Variants in TDP1 observed in about 807,000 individuals in gnomAD.
TDP1 encodes the protein tyr-DNA phosphodiesterase 1.
Under a neutral mutation model 81.5 loss-of-function variants are expected in TDP1, and 64 were observed. The observed-to-expected ratio is 0.79, with a 90% CI of 0.64 to 0.97. TDP1 has a LOEUF of 0.97. Among genes scored for constraint, TDP1 ranks in the 50% least tolerant of loss-of-function variants. The pLI, the probability that TDP1 is intolerant of heterozygous loss-of-function variation, is 0.00. For missense variants in TDP1, 723 were observed against 743.8 expected, an observed-to-expected ratio of 0.97 and a Z score of 0.33; for synonymous variants, 256 against 264.3, an observed-to-expected ratio of 0.97 and a Z score of 0.30.
chr14:90,011,196 C>T (rs1040028471), intron 14 of TDP1, among the ~76,000 whole-genome samples: 2 of 152,220 alleles, frequency 1.3e-5, no homozygotes, highest in Admixed American at 6.5e-5. Flanking sequence ...CCATGTGGAA[C>T]TGTGAGTCCA....
chr14:89,985,290 T>G, intron 10 of TDP1, 80 bp downstream of exon 10: 1 of 808,422 alleles, frequency 1.2e-6, no homozygotes, highest in Admixed American at 2.4e-5. Flanking sequence ...TATATTTTGA[T>G]GCAGCTTCAC....
intron 14 of TDP1, among the ~76,000 whole-genome samples, chr14:90,003,455 G>C (rs891530005): frequency 3.9e-5 from 6 of 152,126 alleles, no homozygotes; most frequent in African/African-American, 1.4e-4. Flanking sequence ...TGATCCTACC[G>C]TAAAATCATC....
intron 10 of TDP1, chr14:89,987,189 A>G (rs1043828561): frequency 1.2e-4 from 19 of 152,224 alleles, no homozygotes; most frequent in African/African-American, 3.9e-4. Flanking sequence ...GTTGGTAGCA[A>G]AAAACTCACT....
Position 90,019,178 on chromosome 14 carries a change from G to A in TDP1, c.1542-138G>A, listed in dbSNP as rs1303154457. ...GATTTTAAATTCTCTTTTCAAAAAT[G>A]CAGCAACTCTGCTAGAAAATGAATG... On this transcript the variant is annotated intron_variant, in intron 14 of 16. Transcript: ENST00000335725. 4 of 1,359,042 alleles carry A rather than the reference G, an allele frequency of 2.9e-6. No homozygotes were observed. In the East Asian group the frequency reaches 7.6e-5, roughly 26 times the overall value. 84.2% of individuals were successfully genotyped at this position (1,359,042 alleles called of 1,614,324 possible).
intron 6 of TDP1, among the ~76,000 whole-genome samples, chr14:89,973,795 C>T (rs1368038427): frequency 6.6e-6 from 1 of 152,060 alleles, no homozygotes; most frequent in Non-Finnish European, 1.5e-5. Context: ...AAACAACAGA[C>T]ACTTATTTCT....
At chr14:90,016,934 G>A (rs1885382004) in intron 14 of TDP1, among the ~76,000 whole-genome samples, 1 of 152,076 alleles carries the variant, frequency 6.6e-6, no homozygotes, top group Non-Finnish European at 1.5e-5. Flanking sequence ...TAGTGATGAA[G>A]CATCACTCGG....
At position 89,985,204 on chromosome 14, in the gene TDP1, TAAG is replaced by T. The variant is rs1257393812; in HGVS notation, c.1129_1131del (p.Lys377del). On this transcript the variant is annotated inframe_deletion, in exon 10 of 17. Coordinates refer to ENST00000335725, the MANE Select transcript of TDP1 (RefSeq NM_018319.4). ...AAGATAATTGGGGACATTTTAGACT[TAAG>T]AAGGTAACAGAACTTTTACTATTTT... is the stretch of plus-strand genomic sequence containing the variant. The T allele has an allele frequency of 3.7e-6, 6 of 1,600,018 alleles. No homozygotes were observed. The highest frequency in any genetic ancestry group is 1.1e-5 in the South Asian group (1 of 89,832).
At chr14:90,028,410 G>A (rs1478817639) in intron 15 of TDP1, among the ~76,000 whole-genome samples, 2 of 152,208 alleles carry the variant, frequency 1.3e-5, no homozygotes, top group South Asian at 2.1e-4. Context: ...CTATGATTGA[G>A]CTAAGCTGCT....
intron 6 of TDP1, 76 bp downstream of exon 6, chr14:89,971,347 C>T: frequency 9.5e-7 from 1 of 1,057,376 alleles, no homozygotes. Context: ...TCCACCCTCT[C>T]ACTTAGTGCA....
At chr14:90,004,115 T>C (rs549051406) in intron 14 of TDP1, among the ~76,000 whole-genome samples, 1 of 152,246 alleles carries the variant, frequency 6.6e-6, no homozygotes, top group East Asian at 1.9e-4. Flanking sequence ...CTTTATACGA[T>C]AGAGATGACT....
intron 14 of TDP1, among the ~76,000 whole-genome samples, chr14:90,013,484 T>C (rs1358242112): frequency 6.6e-6 from 1 of 152,218 alleles, no homozygotes; most frequent in Non-Finnish European, 1.5e-5. Context: ...TGCCGCCATG[T>C]AAGATGTGCC....
At position 89,955,967 on chromosome 14, in the gene TDP1, T is replaced by G. The variant is rs1891515687; in HGVS notation, c.-234T>G. The stretch of plus-strand genomic sequence containing the variant: ...GAGGCAAGCGTTGGTTCTGTGCGCC[T>G]CAGGTACGTGTTGGGCGGCAGTGGG... On this transcript the variant is annotated 5_prime_UTR_variant, in exon 1 of 17. Transcript: ENST00000335725. 6.6e-6 allele frequency: 1 copy of G among 152,494 alleles called. No individual in the cohort carries two copies. The highest frequency in any genetic ancestry group is 1.5e-5 in the Non-Finnish European group (1 of 68,266). The allele number at this position is 152,494 out of a possible 1,614,324, so 9.4% of individuals were successfully genotyped here.
intron 8 of TDP1, chr14:89,984,040 G>A: frequency 1.2e-6 from 1 of 859,706 alleles, no homozygotes; most frequent in Non-Finnish European, 1.4e-6. Flanking sequence ...TTTTGGTATA[G>A]ATAACACAAT....
At chr14:89,992,323 AC>A (rs1896283095) in intron 13 of TDP1, among the ~76,000 whole-genome samples, 1 of 152,174 alleles carries the variant, frequency 6.6e-6, no homozygotes, top group African/African-American at 2.4e-5. Context: ...TTCTGTCTGT[AC>A]CGTCACACAT....
At chr14:90,042,972 T>G in intron 16 of TDP1, 98 bp from the exon 17 acceptor site, 1 of 1,597,070 alleles carries the variant, frequency 6.3e-7, no homozygotes. Flanking sequence ...CTACCACAGT[T>G]TAGAGAGTCA....
chr14:89,976,470 TCAC>T (rs1429773993), intron 7 of TDP1, among the ~76,000 whole-genome samples: 1 of 149,422 alleles, frequency 6.7e-6, no homozygotes, highest in Non-Finnish European at 1.5e-5. Context: ...TTTGGTCCAT[TCAC>T]CACTACCCCC....
chr14:89,978,955 C>T (rs1596541229), intron 7 of TDP1, among the ~76,000 whole-genome samples: 1 of 150,646 alleles, frequency 6.6e-6, no homozygotes, highest in East Asian at 1.9e-4. Flanking sequence ...TGTCTCTTCT[C>T]GTACCCTTTT....
intron 7 of TDP1, among the ~76,000 whole-genome samples, chr14:89,978,731 T>A (rs183294361): frequency 1.2e-3 from 177 of 152,360 alleles, no homozygotes; most frequent in Non-Finnish European, 2.1e-3. Context: ...TTGTAAACGT[T>A]CTATCATGAA....
At chr14:89,988,663 A>G in intron 10 of TDP1, 3 of 981,650 alleles carry the variant, frequency 3.1e-6, no homozygotes, top group Non-Finnish European at 3.6e-6. Context: ...TTTTAGTACA[A>G]ATCAAATAAT....
Sources: gnomAD v4.1 joint callset for allele counts (sites outside exome capture counted in the v4.1 genomes callset) on GRCh38, gnomAD v4.1.1 for gene constraint, MANE v1.5 for transcripts, NCBI Gene and HGNC (gene_info 2026-07-23, HGNC 2026-07-21) for gene names.